PIN4: variants seen among roughly 807,000 people sequenced by gnomAD.
The protein encoded by PIN4 is peptidyl-prolyl cis-trans isomerase NIMA-interacting 4.
Under a neutral mutation model 8.3 loss-of-function variants are expected in PIN4, and 3 were observed. That is an observed-to-expected ratio of 0.36 (90% confidence interval 0.16 to 0.93). The LOEUF (loss-of-function observed/expected upper bound fraction) is 0.93, where lower values mean the gene tolerates loss of function less well. PIN4 is among the 40% of genes least tolerant of loss of function. PIN4 has a pLI of 0.44. For synonymous variants in PIN4, 18 were observed against 32.5 expected (o/e 0.55, Z 1.52); for missense variants, 75 against 100.6 (o/e 0.75, Z 1.09).
chrX:72,201,262 C>T (rs978102611), downstream of PIN4, among the ~76,000 whole-genome samples: 3 of 111,835 alleles, frequency 2.7e-5, no homozygotes, highest in African/African-American at 9.7e-5. Context: ...TTACAAAAGA[C>T]AGCAACTATG....
chrX:72,236,189 C>G (rs377587667), intron 3 of PIN4, among the ~76,000 whole-genome samples: 1 of 112,294 alleles, frequency 8.9e-6, no homozygotes, highest in Non-Finnish European at 1.9e-5. Context: ...CATGGTGGCT[C>G]ACACCTGTAA....
chrX:72,209,656 T>C (rs2042841184), intron 3 of PIN4, among the ~76,000 whole-genome samples: 1 of 111,456 alleles, frequency 9.0e-6, no homozygotes. Context: ...CACCATCATC[T>C]CTGGCCTGGA....
At chrX:72,221,009 G>C (rs944321182) in intron 3 of PIN4, among the ~76,000 whole-genome samples, 1 of 111,512 alleles carries the variant, frequency 9.0e-6, no homozygotes, top group Non-Finnish European at 1.9e-5. Context: ...CACCTGCCCC[G>C]TCTTTTCTCT....
intron 3 of PIN4, chrX:72,206,355 A>T: frequency 8.3e-7 from 1 of 1,210,253 alleles, no homozygotes; most frequent in Non-Finnish European, 1.1e-6. Flanking sequence ...CACTACCTGT[A>T]CCTTTACCAT....
At chrX:72,204,700 G>A in intron 3 of PIN4, 1 of 157,387 alleles carries the variant, frequency 6.4e-6, no homozygotes, top group Non-Finnish European at 1.2e-5. Context: ...TATCTGAACT[G>A]TTATATACAA....
chrX:72,182,560 T>A (rs1156942738), intron 1 of PIN4, among the ~76,000 whole-genome samples: 6 of 108,641 alleles, frequency 5.5e-5, no homozygotes, highest in African/African-American at 2.0e-4. Context: ...AAAAAAGAGA[T>A]TTTGGCCTTA....
intron 3 of PIN4, among the ~76,000 whole-genome samples, chrX:72,219,199 A>G (rs1307008591): frequency 9.2e-6 from 1 of 108,614 alleles, no homozygotes; most frequent in African/African-American, 3.4e-5. Flanking sequence ...GAGGTTGCAG[A>G]GAGCAGAGAT....
rs1271285384 is a variant in PIN4, at chrX:72,194,688, C to T, written c.118-2097C>T. Among the ~76,000 whole-genome samples the T allele has an allele frequency of 4.2e-4, 29 of 68,932 alleles. 1 individual carries two copies. Among genetic ancestry groups the T allele is most frequent in the African/African-American group, 1.5e-3 (26 of 17,049 alleles). The allele number at this position is 68,932 out of a possible 115,157, so 59.9% of individuals were successfully genotyped here. On this transcript the variant is annotated intron_variant, in intron 2 of 3. Transcript: ENST00000373669. ...TTGCACTCCAGCCTGGGCAAAAGAG[C>T]GAAACTCCATCTCAAAAAAAAAAAA...
At chrX:72,185,836 G>A (rs984084559) in intron 1 of PIN4, among the ~76,000 whole-genome samples, 3 of 112,543 alleles carry the variant, frequency 2.7e-5, no homozygotes, top group Non-Finnish European at 5.6e-5. Context: ...TTTAAAAAAT[G>A]TATTCTTAGA....
intron 3 of PIN4, among the ~76,000 whole-genome samples, chrX:72,210,924 C>T (rs1315892089): frequency 9.0e-6 from 1 of 111,486 alleles, no homozygotes; most frequent in Non-Finnish European, 1.9e-5. Context: ...CTTCCTTTCC[C>T]CTCAGTCTAT....
intron 3 of PIN4, among the ~76,000 whole-genome samples, chrX:72,213,757 C>T (rs183537953): frequency 1.8e-5 from 2 of 112,128 alleles, no homozygotes; most frequent in East Asian, 5.6e-4. Context: ...CTTCCATGAC[C>T]CACGGCTTCT....
chrX:72,253,550 G>A (rs780794629), intron 3 of PIN4, among the ~76,000 whole-genome samples: 18 of 110,384 alleles, frequency 1.6e-4, no homozygotes, highest in Non-Finnish European at 3.2e-4. Flanking sequence ...GCTTGAACCC[G>A]GGAGGCGGAG....
intron 3 of PIN4, among the ~76,000 whole-genome samples, chrX:72,246,131 G>C (rs747797027): frequency 9.0e-6 from 1 of 111,358 alleles, no homozygotes; most frequent in Admixed American, 9.5e-5. Flanking sequence ...CTCTCCCCTA[G>C]ACCTGCTCTC....
intron 3 of PIN4, among the ~76,000 whole-genome samples, chrX:72,216,935 C>T (rs902629463): frequency 5.3e-5 from 6 of 112,195 alleles, no homozygotes; most frequent in Non-Finnish European, 9.4e-5. Context: ...GGATGTTAGC[C>T]ACCAAATGCT....
At chrX:72,210,202 A>AAAAT (rs58086876) in intron 3 of PIN4, among the ~76,000 whole-genome samples, 15,378 of 97,047 alleles carry the variant, frequency 0.16, 1,241 homozygotes, top group African/African-American at 0.2. Flanking sequence ...TGTCTCTTAA[A>AAAAT]AAATAAATAA....
At chrX:72,193,842 C>T (rs1365222555) in intron 2 of PIN4, among the ~76,000 whole-genome samples, 44 of 102,483 alleles carry the variant, frequency 4.3e-4, no homozygotes, top group South Asian at 8.7e-4. Flanking sequence ...TACTGCACTC[C>T]GACTTGGATG....
chrX:72,197,139 T>C lies in PIN4; in HGVS notation c.238-229T>C. On this transcript the variant is annotated intron_variant, in intron 3 of 3. Coordinates refer to ENST00000373669, the MANE Select transcript of PIN4 (RefSeq NM_006223.4). ...GGTCATCTATGTCAAAACCTATGCA[T>C]GACCAAACTTGCACGGCTAACTTCA... 4 of 445,993 alleles carry C rather than the reference T, an allele frequency of 9.0e-6. No homozygotes were observed. The East Asian group carries it at 1.5e-4, about 17-fold the overall frequency. 36.8% of individuals were successfully genotyped at this position (445,993 alleles called of 1,213,427 possible). A position where few individuals can be genotyped will look rare whatever the true frequency, so the allele number is the denominator to read the frequency against.
intron 3 of PIN4, among the ~76,000 whole-genome samples, chrX:72,233,762 A>G (rs2043000080): frequency 9.4e-6 from 1 of 106,725 alleles, no homozygotes; most frequent in African/African-American, 3.5e-5. Context: ...ATTAGATAAT[A>G]TCAATGAATT....
At chrX:72,250,166 C>T (rs1325774930) in intron 3 of PIN4, among the ~76,000 whole-genome samples, 3 of 109,383 alleles carry the variant, frequency 2.7e-5, no homozygotes, top group African/African-American at 1.0e-4. Flanking sequence ...GGATAGAAGG[C>T]GAGTGAGGGT....
Sources: allele counts gnomAD v4.1 joint callset (sites outside exome capture counted in the v4.1 genomes callset), GRCh38; gene constraint gnomAD v4.1.1; transcripts MANE v1.5; gene names NCBI Gene and HGNC (gene_info 2026-07-23, HGNC 2026-07-21).